Variants in RASGEF1C observed in about 807,000 individuals in gnomAD.
RASGEF1C encodes ras-GEF domain-containing family member 1C.
In RASGEF1C, 27 loss-of-function variants were observed where a neutral mutation model predicts 58.1. That is an observed-to-expected ratio of 0.46 (90% CI 0.34 to 0.64). The LOEUF is 0.64. Among genes scored for constraint, RASGEF1C ranks in the 30% least tolerant of loss-of-function variants. The pLI, the probability that RASGEF1C is intolerant of heterozygous loss-of-function variation, is 0.01. For synonymous variants in RASGEF1C, 243 were observed against 246.3 expected (o/e 0.99, Z 0.13); for missense variants, 502 against 605.1 (o/e 0.83, Z 1.79).
intron 7 of RASGEF1C, among the ~76,000 whole-genome samples, chr5:180,119,699 T>C (rs1172574126): frequency 6.6e-6 from 1 of 151,818 alleles, no homozygotes; most frequent in African/African-American, 2.4e-5. Flanking sequence ...GAGAGGCACC[T>C]TCAGGAGAGG....
chr5:180,164,977 T>C (rs1206775541), intron 1 of RASGEF1C, among the ~76,000 whole-genome samples: 4 of 152,254 alleles, frequency 2.6e-5, no homozygotes, highest in Non-Finnish European at 2.9e-5. Context: ...AGGATTGTTA[T>C]GTTCTCTTTG....
chr5:180,185,483 G>T (rs1756019446), intron 1 of RASGEF1C, among the ~76,000 whole-genome samples: 1 of 152,110 alleles, frequency 6.6e-6, no homozygotes. Flanking sequence ...TACTCAGGAG[G>T]CTGAGGTAGG....
At chr5:180,103,331 C>T (rs1765828447) in intron 12 of RASGEF1C, among the ~76,000 whole-genome samples, 1 of 152,222 alleles carries the variant, frequency 6.6e-6, no homozygotes, top group East Asian at 1.9e-4. Flanking sequence ...CCCGCCTCGG[C>T]CTCCCAGAGT....
chr5:180,144,009 C>CT (rs760090078), intron 1 of RASGEF1C, among the ~76,000 whole-genome samples: 1 of 152,164 alleles, frequency 6.6e-6, no homozygotes. Context: ...CCTGTGAGCT[C>CT]TGAGAAGAGG....
chr5:180,173,196 G>A (rs1008360533), intron 1 of RASGEF1C, among the ~76,000 whole-genome samples: 3 of 152,238 alleles, frequency 2.0e-5, no homozygotes, highest in South Asian at 2.1e-4. Context: ...GAATCAGTGC[G>A]TCTGCTTTCC....
chr5:180,139,144 T>C (rs1766535926), intron 1 of RASGEF1C, among the ~76,000 whole-genome samples: 1 of 152,090 alleles, frequency 6.6e-6, no homozygotes, highest in Non-Finnish European at 1.5e-5. Context: ...CAGGTGTCCA[T>C]ACCCACCTGC....
At chr5:180,196,954 T>C (rs1031910943) in intron 1 of RASGEF1C, among the ~76,000 whole-genome samples, 1 of 152,136 alleles carries the variant, frequency 6.6e-6, no homozygotes, top group East Asian at 1.9e-4. Flanking sequence ...GGTAACAATA[T>C]CCAAAGAGCC....
chr5:180,157,469 A>T (rs1766870234), intron 1 of RASGEF1C, among the ~76,000 whole-genome samples: 1 of 151,880 alleles, frequency 6.6e-6, no homozygotes, highest in African/African-American at 2.4e-5. Flanking sequence ...TAAAAAAAAA[A>T]ATACATAATT....
chr5:180,196,880 G>A (rs1756289025), intron 1 of RASGEF1C, among the ~76,000 whole-genome samples: 2 of 152,210 alleles, frequency 1.3e-5, no homozygotes, highest in Non-Finnish European at 2.9e-5. Context: ...TTGATAGGAA[G>A]CACTCAATAA....
chr5:180,181,978 C>T (rs1293185954), intron 1 of RASGEF1C, among the ~76,000 whole-genome samples: 12 of 151,560 alleles, frequency 7.9e-5, no homozygotes, highest in East Asian at 2.0e-4. Context: ...CCGAGACGGG[C>T]GGATCACGAG....
intron 1 of RASGEF1C, among the ~76,000 whole-genome samples, chr5:180,179,565 C>T (rs996921854): frequency 9.2e-5 from 14 of 152,176 alleles, no homozygotes; most frequent in Non-Finnish European, 1.3e-4. Flanking sequence ...GGAGCTAACC[C>T]AGCAAGAAAG....
intron 1 of RASGEF1C, among the ~76,000 whole-genome samples, chr5:180,183,576 G>A (rs1755952258): frequency 6.6e-6 from 1 of 152,170 alleles, no homozygotes; most frequent in South Asian, 2.1e-4. Flanking sequence ...TGTAATCCCA[G>A]CACTTTGGAA....
At chr5:180,161,440 C>T (rs912269954) in intron 1 of RASGEF1C, among the ~76,000 whole-genome samples, 1 of 152,268 alleles carries the variant, frequency 6.6e-6, no homozygotes, top group Non-Finnish European at 1.5e-5. Flanking sequence ...CGAGGAGCCA[C>T]GGCAGCCAGG....
chr5:180,178,351 C>T (rs1489030966), intron 1 of RASGEF1C, among the ~76,000 whole-genome samples: 14 of 142,908 alleles, frequency 9.8e-5, no homozygotes, highest in Non-Finnish European at 1.8e-4. Context: ...GTGATCTCAG[C>T]TCACTGCAGC....
chr5:180,193,059 GTTGTT>G lies in RASGEF1C; in HGVS notation c.-7+15964_-7+15968del, dbSNP rs377268932. Among the ~76,000 whole-genome samples, 507 of 119,222 alleles carry G rather than the reference GTTGTT, an allele frequency of 4.3e-3. 3 individuals carry two copies. Among genetic ancestry groups the G allele is most frequent in the African/African-American group, 0.014 (461 of 33,284 alleles). The allele number at this position is 119,222 out of a possible 152,430, so 78.2% of individuals were successfully genotyped here. A position where few individuals can be genotyped will look rare whatever the true frequency, so the allele number is the denominator to read the frequency against. On this transcript the variant is annotated intron_variant, in intron 1 of 13. Coordinates refer to ENST00000361132, the MANE Select transcript of RASGEF1C (RefSeq NM_175062.4). ...TCGCGCCCGGCCAGTTTTTTTTGTT[GTTGTT>G]TTGTTTTTTGAGACGGTGTCTTGCT...
chr5:180,134,671 T>G (rs894100538), intron 4 of RASGEF1C, among the ~76,000 whole-genome samples: 4 of 150,044 alleles, frequency 2.7e-5, no homozygotes, highest in African/African-American at 9.9e-5. Context: ...CACTCACAAA[T>G]CCACTTGCCT....
chr5:180,145,327 G>T (rs1766646673), intron 1 of RASGEF1C, among the ~76,000 whole-genome samples: 1 of 152,058 alleles, frequency 6.6e-6, no homozygotes, highest in Non-Finnish European at 1.5e-5. Context: ...CACCATGTTG[G>T]CCAGGCTGGT....
At chr5:180,148,035 G>A (rs1216395146) in intron 1 of RASGEF1C, among the ~76,000 whole-genome samples, 1 of 152,002 alleles carries the variant, frequency 6.6e-6, no homozygotes, top group African/African-American at 2.4e-5. Context: ...CTGTTTTGGG[G>A]TCATAAATGT....
At chr5:180,193,036 G>A (rs191905101) in intron 1 of RASGEF1C, among the ~76,000 whole-genome samples, 2,224 of 117,552 alleles carry the variant, frequency 0.019, 24 homozygotes, top group Non-Finnish European at 0.032. Flanking sequence ...GTGAGCCATC[G>A]CGCCCGGCCA....
Sources: gnomAD v4.1 joint callset for allele counts (sites outside exome capture counted in the v4.1 genomes callset) on GRCh38, gnomAD v4.1.1 for gene constraint, MANE v1.5 for transcripts, NCBI Gene and HGNC (gene_info 2026-07-23, HGNC 2026-07-21) for gene names.